Variants in SH3RF3 observed in about 807,000 individuals in gnomAD.
SH3RF3 encodes the protein E3 ubiquitin-protein ligase SH3RF3.
SH3RF3 carries 29 observed loss-of-function variants against 66.3 expected under a neutral mutation model. The observed-to-expected ratio is 0.44, with a 90% CI of 0.33 to 0.60. The LOEUF is 0.60. Ranked by LOEUF, SH3RF3 falls within the 20% of genes least tolerant of loss-of-function variation. The probability of loss-of-function intolerance (pLI) is 0.04; values close to 1 mark genes in which losing one functional copy is unlikely to be tolerated. For synonymous variants in SH3RF3, 583 were observed against 532.0 expected (o/e 1.10, Z -1.32); for missense variants, 1,194 against 1,190.9 (o/e 1.00, Z -0.04).
intron 8 of SH3RF3, among the ~76,000 whole-genome samples, chr2:109,451,914 AG>A (rs944392570): frequency 6.6e-6 from 1 of 152,194 alleles, no homozygotes; most frequent in African/African-American, 2.4e-5. Flanking sequence ...TCCAGGCAGG[AG>A]GGGAAGTGGT....
intron 1 of SH3RF3, among the ~76,000 whole-genome samples, chr2:109,257,384 G>A (rs1272226370): frequency 1.3e-5 from 2 of 151,284 alleles, no homozygotes; most frequent in Non-Finnish European, 2.9e-5. Flanking sequence ...GGGAGGGAGA[G>A]GAAGGGAAGG....
chr2:109,351,069 A>G lies in SH3RF3; in HGVS notation c.849+3120A>G, dbSNP rs1352698465. Reference sequence around the variant, plus strand: ...TCTGCTTTATTTCAGAAGAGAATGAATAATCAGTTTTTGTAAAGCAGCTTT... The same window carrying G: ...TCTGCTTTATTTCAGAAGAGAATGAGTAATCAGTTTTTGTAAAGCAGCTTT... On this transcript the variant is annotated intron_variant, in intron 2 of 9. Coordinates refer to ENST00000309415, the MANE Select transcript of SH3RF3 (RefSeq NM_001099289.3). 3.3e-5 allele frequency among the ~76,000 whole-genome samples: 5 copies of G among 152,378 alleles called. No homozygotes were observed. In the East Asian group the frequency reaches 9.6e-4, roughly 29 times the overall value.
chr2:109,180,597 G>A (rs1678052113), intron 1 of SH3RF3, among the ~76,000 whole-genome samples: 1 of 152,110 alleles, frequency 6.6e-6, no homozygotes, highest in Admixed American at 6.6e-5. Context: ...TGTTCTTGTG[G>A]TAGTAAATAA....
chr2:109,481,373 C>T (rs1024498360), intron 8 of SH3RF3, among the ~76,000 whole-genome samples: 18 of 152,256 alleles, frequency 1.2e-4, no homozygotes, highest in Admixed American at 6.5e-4. Flanking sequence ...AAGTTTATTG[C>T]GGCTATGCTT....
intron 1 of SH3RF3, among the ~76,000 whole-genome samples, chr2:109,334,287 A>T (rs112738495): frequency 0.12 from 18,768 of 150,522 alleles, 1,320 homozygotes; most frequent in East Asian, 0.24. Context: ...GAGCCCAGGA[A>T]GTCAAGGCTT....
intron 1 of SH3RF3, among the ~76,000 whole-genome samples, chr2:109,135,983 C>T (rs1024877549): frequency 5.9e-5 from 9 of 152,196 alleles, no homozygotes; most frequent in African/African-American, 2.2e-4. Flanking sequence ...ACGAGCCCAC[C>T]TCCGTCATCC....
chr2:109,460,485 A>G (rs1461900799), intron 8 of SH3RF3, among the ~76,000 whole-genome samples: 3 of 152,006 alleles, frequency 2.0e-5, no homozygotes, highest in African/African-American at 7.3e-5. Context: ...CCCATGCATC[A>G]CCTCCATCCA....
intron 2 of SH3RF3, among the ~76,000 whole-genome samples, chr2:109,361,272 A>G (rs1435136072): frequency 6.6e-6 from 1 of 152,166 alleles, no homozygotes; most frequent in African/African-American, 2.4e-5. Context: ...TGAGATATAT[A>G]GGTCTGTAAT....
chr2:109,467,195 A>T (rs1428101712), intron 8 of SH3RF3, among the ~76,000 whole-genome samples: 1 of 152,276 alleles, frequency 6.6e-6, no homozygotes, highest in Non-Finnish European at 1.5e-5. Flanking sequence ...AGGGATCCGT[A>T]GCAGCTTTAT....
chr2:109,197,811 C>G (rs758532178), intron 1 of SH3RF3, among the ~76,000 whole-genome samples: 7 of 152,186 alleles, frequency 4.6e-5, no homozygotes, highest in Non-Finnish European at 5.9e-5. Flanking sequence ...TAAAAAAATG[C>G]TATGGTGGGT....
intron 9 of SH3RF3, among the ~76,000 whole-genome samples, chr2:109,499,155 A>G (rs914734402): frequency 1.3e-5 from 2 of 151,938 alleles, no homozygotes; most frequent in African/African-American, 4.8e-5. Context: ...GGAGCCACCC[A>G]CAGGAGACCT....
chr2:109,454,170 T>C (rs1180597246), intron 8 of SH3RF3, among the ~76,000 whole-genome samples: 1 of 152,200 alleles, frequency 6.6e-6, no homozygotes, highest in African/African-American at 2.4e-5. Flanking sequence ...CACAGACATA[T>C]TCATAATAAA....
chr2:109,263,827 G>A (rs1680415037), intron 1 of SH3RF3, among the ~76,000 whole-genome samples: 1 of 152,188 alleles, frequency 6.6e-6, no homozygotes, highest in Admixed American at 6.5e-5. Context: ...AATTAGCTGG[G>A]CATGGTGGCG....
intron 1 of SH3RF3, among the ~76,000 whole-genome samples, chr2:109,241,633 ACT>A (rs1467225141): frequency 6.6e-6 from 1 of 150,420 alleles, no homozygotes; most frequent in Non-Finnish European, 1.5e-5. Context: ...GGCCCCTGGG[ACT>A]CTCTGTCTCC....
At chr2:109,348,102 T>C (rs1001212432) in intron 2 of SH3RF3, among the ~76,000 whole-genome samples, 153 bp downstream of exon 2, 1 of 152,166 alleles carries the variant, frequency 6.6e-6, no homozygotes, top group Non-Finnish European at 1.5e-5. Flanking sequence ...CCAGCCTCCC[T>C]CCCTGTGCTT....
rs1272307091 is a variant in SH3RF3 at position 109,502,028 on chromosome 2, C to T, written c.*357C>T. The T allele has an allele frequency of 5.3e-5, 12 of 224,962 alleles. No individual in the cohort carries two copies. The East Asian group carries it at 1.1e-3, about 21-fold the overall frequency. 13.9% of individuals were successfully genotyped at this position (224,962 alleles called of 1,614,324 possible). A position where few individuals can be genotyped will look rare whatever the true frequency, so the allele number is the denominator to read the frequency against. On this transcript the variant is annotated 3_prime_UTR_variant, in exon 10 of 10. Transcript: ENST00000309415. ...ACCACCTAAGCAGGGTTGGAGGTTGCAGGAGGTCTGCAGGCGAGGTGGGTG... is the reference window on the plus strand; with the variant it reads ...ACCACCTAAGCAGGGTTGGAGGTTGTAGGAGGTCTGCAGGCGAGGTGGGTG...
At chr2:109,131,692 C>G (rs1444262713) in intron 1 of SH3RF3, among the ~76,000 whole-genome samples, 4 of 152,136 alleles carry the variant, frequency 2.6e-5, no homozygotes, top group African/African-American at 9.7e-5. Context: ...CCTTTTAGAA[C>G]TTGTCAAAGG....
At chr2:109,284,103 T>C (rs954349345) in intron 1 of SH3RF3, among the ~76,000 whole-genome samples, 2 of 152,118 alleles carry the variant, frequency 1.3e-5, no homozygotes, top group African/African-American at 2.4e-5. Context: ...TCCACCGTAA[T>C]GAAAGACCTT....
At chr2:109,151,014 G>C (rs972508774) in intron 1 of SH3RF3, among the ~76,000 whole-genome samples, 4 of 152,182 alleles carry the variant, frequency 2.6e-5, no homozygotes, top group South Asian at 2.1e-4. Flanking sequence ...GGTCGACACT[G>C]CTTATGGAGT....
Sources: gnomAD v4.1 joint callset for allele counts (sites outside exome capture counted in the v4.1 genomes callset) on GRCh38, gnomAD v4.1.1 for gene constraint, MANE v1.5 for transcripts, NCBI Gene and HGNC (gene_info 2026-07-23, HGNC 2026-07-21) for gene names.